WNT5A: variants seen among roughly 807,000 people sequenced by gnomAD.
The protein encoded by WNT5A is Wnt family member 5A.
A neutral mutation model predicts 42.1 loss-of-function variants in WNT5A; 9 were observed. That is an observed-to-expected ratio of 0.21 (90% CI 0.13 to 0.37). WNT5A has a LOEUF of 0.37. Among genes scored for constraint, WNT5A ranks in the 10% least tolerant of loss-of-function variants. The probability of loss-of-function intolerance (pLI) is 1.00; values close to 1 mark genes in which losing one functional copy is unlikely to be tolerated. For synonymous variants in WNT5A, 210 were observed against 210.0 expected, an observed-to-expected ratio of 1.00 and a Z score of 0.00; for missense variants, 426 against 534.0, an observed-to-expected ratio of 0.80 and a Z score of 1.99.
upstream of WNT5A, chr3:55,490,346 T>C (rs2051645576): frequency 6.6e-6 from 1 of 152,260 alleles, no homozygotes; most frequent in Admixed American, 6.5e-5. Context: ...AACAGTGCTA[T>C]TTCCTGTTCT....
chr3:55,478,261 C>A (rs1419819492), intron 3 of WNT5A, among the ~76,000 whole-genome samples: 2 of 152,110 alleles, frequency 1.3e-5, no homozygotes, highest in Non-Finnish European at 2.9e-5. Flanking sequence ...CTCAAACATC[C>A]CCTGACAACT....
At chr3:55,470,798 A>G (rs2051236716) in intron 4 of WNT5A, among the ~76,000 whole-genome samples, 1 of 152,196 alleles carries the variant, frequency 6.6e-6, no homozygotes, top group Admixed American at 6.5e-5. Context: ...TAATAGGAAC[A>G]GGAAAAAAAA....
At chr3:55,502,911 A>G in the WNT5A span, among the ~76,000 whole-genome samples, 20 of 152,268 alleles carry the variant, frequency 1.3e-4, no homozygotes, top group Admixed American at 1.2e-3. Context: ...CCATACTGGC[A>G]TTAGGCCTTT....
At chr3:55,490,706 G>C (rs7617392), upstream of WNT5A, among the ~76,000 whole-genome samples, 5,499 of 152,190 alleles carry the variant, frequency 0.036, 310 homozygotes, top group African/African-American at 0.12. Context: ...TGAAAACAGA[G>C]GTTTTCAAAC....
chr3:55,503,223 G>A, the WNT5A span, among the ~76,000 whole-genome samples: 43 of 152,204 alleles, frequency 2.8e-4, no homozygotes, highest in African/African-American at 7.7e-4. Flanking sequence ...TGGTTCTTGT[G>A]AGAGAATGGC....
At chr3:55,480,059 A>G (rs2051429724) in intron 2 of WNT5A, among the ~76,000 whole-genome samples, 1 of 152,128 alleles carries the variant, frequency 6.6e-6, no homozygotes, top group Admixed American at 6.6e-5. Context: ...AAAATTCACC[A>G]TGTTTCTTGA....
chr3:55,492,142 T>A (rs1448781854), upstream of WNT5A, among the ~76,000 whole-genome samples: 1 of 152,110 alleles, frequency 6.6e-6, no homozygotes, highest in East Asian at 1.9e-4. Context: ...ATTTGTTGAA[T>A]AGGGTGTCCT....
intron 4 of WNT5A, among the ~76,000 whole-genome samples, chr3:55,472,707 T>C (rs1169326867): frequency 6.6e-6 from 1 of 152,136 alleles, no homozygotes; most frequent in Admixed American, 6.5e-5. Flanking sequence ...GTTTAGTCCT[T>C]CCCCGGAACA....
intron 3 of WNT5A, 52 bp from the exon 4 acceptor site, chr3:55,474,681 G>T: frequency 7.5e-7 from 1 of 1,338,578 alleles, no homozygotes; most frequent in African/African-American, 1.7e-5. Flanking sequence ...CGCTGGGCCG[G>T]GATGCTGCCG....
the WNT5A span, among the ~76,000 whole-genome samples, chr3:55,499,994 AAT>A: frequency 7.4e-6 from 1 of 134,504 alleles, no homozygotes; most frequent in Non-Finnish European, 1.6e-5. Flanking sequence ...AAAAAAAAAA[AAT>A]TAAATTAAAT....
intron 1 of WNT5A, among the ~76,000 whole-genome samples, chr3:55,485,413 G>A (rs61420632): frequency 0.015 from 2,342 of 152,126 alleles, 74 homozygotes; most frequent in African/African-American, 0.055. Context: ...TCCTGGGGAG[G>A]GTCTTCCGTT....
At chr3:55,479,952 T>G (rs1161435241) in intron 2 of WNT5A, among the ~76,000 whole-genome samples, 3 of 152,128 alleles carry the variant, frequency 2.0e-5, no homozygotes, top group African/African-American at 7.2e-5. Flanking sequence ...CCTTGAAAAC[T>G]TATGAATGCT....
Position 55,468,136 on chromosome 3 carries a change from A to AC in WNT5A, c.*1955_*1956insG, listed in dbSNP as rs2051177352. ...GCACTGTTTGGAAAGAGGTGTCCTTATTAAAAAAAAAAAAAAAAAAGCTAT... is the reference window on the plus strand; with the variant it reads ...GCACTGTTTGGAAAGAGGTGTCCTTACTTAAAAAAAAAAAAAAAAAAGCTAT... On this transcript the variant is annotated 3_prime_UTR_variant, in exon 5 of 5. Coordinates refer to ENST00000264634, the MANE Select transcript of WNT5A (RefSeq NM_003392.7). 1.2e-5 allele frequency: 1 copy of AC among 82,706 alleles called. No homozygotes were observed. The highest frequency in any genetic ancestry group is 1.6e-4 in the Admixed American group (1 of 6,102). The allele number at this position is 82,706 out of a possible 1,614,324, so 5.1% of individuals were successfully genotyped here. A position where few individuals can be genotyped will look rare whatever the true frequency, so the allele number is the denominator to read the frequency against.
Position 55,487,139 on chromosome 3 carries a change from C to G in WNT5A, c.-154G>C. ...GTCCGGCGGGCGCAGTGAACCGGAG[C>G]TGAAGCGGGCACTGGCGCCCGGGCC... On this transcript the variant is annotated 5_prime_UTR_variant, in exon 1 of 5. Coordinates refer to ENST00000264634, the MANE Select transcript of WNT5A (RefSeq NM_003392.7). 2 of 647,176 alleles carry G rather than the reference C, an allele frequency of 3.1e-6. No individual in the cohort carries two copies. Among genetic ancestry groups the G allele is most frequent in the South Asian group, 1.9e-5 (1 of 51,990 alleles). 40.1% of individuals were successfully genotyped at this position (647,176 alleles called of 1,614,324 possible). A position where few individuals can be genotyped will look rare whatever the true frequency, so the allele number is the denominator to read the frequency against.
chr3:55,481,042 C>T (rs920121453), intron 1 of WNT5A, 124 bp from the exon 2 acceptor site: 7 of 1,106,622 alleles, frequency 6.3e-6, no homozygotes, highest in Middle Eastern at 2.3e-4. Context: ...GCTTCTCCTC[C>T]GTGAGTTTTT....
Position 55,465,750 on chromosome 3 carries a change from A to T in WNT5A, c.*4342T>A, listed in dbSNP as rs994038016. ...AAAATGATTTTAATAGAAAAGTACA[A>T]GATATGAACAAAAATAAATAATCTT... On this transcript the variant is annotated 3_prime_UTR_variant, in exon 5 of 5. Transcript: ENST00000264634. 13 of 152,222 alleles carry T rather than the reference A, an allele frequency of 8.5e-5. No individual in the cohort carries two copies. The highest frequency in any genetic ancestry group is 3.1e-4 in the African/African-American group (13 of 41,450). The allele number at this position is 152,222 out of a possible 1,614,324, so 9.4% of individuals were successfully genotyped here. A position where few individuals can be genotyped will look rare whatever the true frequency, so the allele number is the denominator to read the frequency against.
At chr3:55,478,837 G>T (rs1001815639) in intron 3 of WNT5A, among the ~76,000 whole-genome samples, 27 of 152,040 alleles carry the variant, frequency 1.8e-4, no homozygotes, top group African/African-American at 5.8e-4. Context: ...TCAGGAAATA[G>T]TTCTATTAGG....
the WNT5A span, among the ~76,000 whole-genome samples, chr3:55,498,388 A>G: frequency 1.3e-5 from 2 of 152,156 alleles, no homozygotes; most frequent in Non-Finnish European, 2.9e-5. Context: ...TCCCGCTCTC[A>G]AGGACTCACA....
At chr3:55,491,446 T>C (rs2051658384), upstream of WNT5A, among the ~76,000 whole-genome samples, 2 of 152,362 alleles carry the variant, frequency 1.3e-5, no homozygotes, top group South Asian at 4.1e-4. Context: ...ACTCTGCTCA[T>C]TAAAAATGCT....
Sources: allele counts gnomAD v4.1 joint callset (sites outside exome capture counted in the v4.1 genomes callset), GRCh38; gene constraint gnomAD v4.1.1; transcripts MANE v1.5; gene names NCBI Gene and HGNC (gene_info 2026-07-23, HGNC 2026-07-21).